Variants in GPHN observed in about 807,000 individuals in gnomAD.
GPHN encodes gephyrin.
Under a neutral mutation model 95.5 loss-of-function variants are expected in GPHN, and 17 were observed. The observed-to-expected ratio is 0.18, with a 90% confidence interval of 0.12 to 0.27. The LOEUF (loss-of-function observed/expected upper bound fraction) is 0.27, where lower values mean the gene tolerates loss of function less well. GPHN is among the 10% of genes least tolerant of loss of function. The probability of loss-of-function intolerance (pLI) is 1.00; values close to 1 mark genes in which losing one functional copy is unlikely to be tolerated. For synonymous variants in GPHN, 320 were observed against 322.5 expected (o/e 0.99, Z 0.08); for missense variants, 660 against 978.1 (o/e 0.67, Z 4.34).
chr14:66,766,196 T>G (rs1270874907), intron 2 of GPHN, among the ~76,000 whole-genome samples: 2 of 152,148 alleles, frequency 1.3e-5, no homozygotes, highest in Non-Finnish European at 2.9e-5. Flanking sequence ...AGCCAGCTCT[T>G]AAGATGCATA....
At chr14:66,953,581 T>A (rs914015329) in intron 8 of GPHN, among the ~76,000 whole-genome samples, 5 of 152,238 alleles carry the variant, frequency 3.3e-5, no homozygotes, top group Non-Finnish European at 7.3e-5. Flanking sequence ...TGAAAGAATG[T>A]CCTTTCCAGT....
chr14:66,841,521 T>C (rs1399528512), intron 4 of GPHN, among the ~76,000 whole-genome samples: 2 of 152,116 alleles, frequency 1.3e-5, no homozygotes, highest in Non-Finnish European at 2.9e-5. Context: ...ATTACTGATA[T>C]ATTTTGAAGG....
chr14:67,505,769 C>T, the GPHN span, among the ~76,000 whole-genome samples: 4 of 151,084 alleles, frequency 2.6e-5, no homozygotes, highest in African/African-American at 4.9e-5. Context: ...TGCAGTGGTG[C>T]GATCTCAGCT....
At chr14:67,288,762 C>T in the GPHN span, among the ~76,000 whole-genome samples, 1 of 151,978 alleles carries the variant, frequency 6.6e-6, no homozygotes, top group African/African-American at 2.4e-5. Flanking sequence ...CCTATCTATT[C>T]TTAATATTAG....
chr14:67,379,706 G>A, the GPHN span, among the ~76,000 whole-genome samples: 4 of 126,778 alleles, frequency 3.2e-5, no homozygotes, highest in Non-Finnish European at 4.6e-5. Context: ...CCAGGCTGGA[G>A]TGCAGTGGCG....
At chr14:67,723,217 A>T in the GPHN span, among the ~76,000 whole-genome samples, 62,667 of 152,056 alleles carry the variant, frequency 0.41, 14,353 homozygotes, top group East Asian at 0.68. Flanking sequence ...GTCAAATAAA[A>T]GTGTGTTCTG....
In GPHN at chr14:66,621,238, G is replaced by A. The variant is rs558972818; in HGVS notation, c.65-59869G>A. ...GATCCGCCTGCCTCGGCCTCCCAAA[G>A]TGCTGGGATTACAGGCATGAGCCAC... On this transcript the variant is annotated intron_variant, in intron 1 of 22. Coordinates refer to ENST00000478722, the MANE Select transcript of GPHN (RefSeq NM_020806.5). 3.5e-3 allele frequency among the ~76,000 whole-genome samples: 529 copies of A among 149,696 alleles called. 10 individuals carry two copies. The highest frequency in any genetic ancestry group is 0.012 in the African/African-American group (504 of 40,646).
At chr14:67,528,621 C>A in the GPHN span, among the ~76,000 whole-genome samples, 1 of 152,188 alleles carries the variant, frequency 6.6e-6, no homozygotes, top group Non-Finnish European at 1.5e-5. Flanking sequence ...CCCTGAGCTC[C>A]ACCAGCTCCC....
intron 4 of GPHN, among the ~76,000 whole-genome samples, chr14:66,838,124 C>T (rs930961419): frequency 6.6e-6 from 1 of 152,062 alleles, no homozygotes; most frequent in African/African-American, 2.4e-5. Flanking sequence ...CTTAGATCCA[C>T]CTGTTATTAG....
intron 4 of GPHN, among the ~76,000 whole-genome samples, chr14:66,837,612 TAAAA>T (rs1274002853): frequency 1.6e-5 from 2 of 126,878 alleles, no homozygotes; most frequent in Non-Finnish European, 1.5e-5. Flanking sequence ...AATAAATAAA[TAAAA>T]ATAAATAAAT....
At chr14:67,642,104 C>CTT in the GPHN span, 2 of 1,310,950 alleles carry the variant, frequency 1.5e-6, no homozygotes, top group South Asian at 2.6e-5. Flanking sequence ...TACTTTGTCA[C>CTT]GTATTATCAT....
Position 66,942,174 on chromosome 14 carries a change from G to T in GPHN, c.828+17882G>T, listed in dbSNP as rs148597870. On this transcript the variant is annotated intron_variant, in intron 8 of 22. Transcript: ENST00000478722. ...TTACAGGTGCCTGCCACCACACCCA[G>T]CTAATTTTTGTATTTTTAGTAGAGA... 1.6e-3 allele frequency among the ~76,000 whole-genome samples: 236 copies of T among 152,226 alleles called. 5 individuals are homozygous for T. Among genetic ancestry groups the T allele is most frequent in the Non-Finnish European group, 2.6e-3 (177 of 68,020 alleles).
chr14:66,924,099 T>G, intron 7 of GPHN, 95 bp from the exon 8 acceptor site: 1 of 743,884 alleles, frequency 1.3e-6, no homozygotes, highest in Non-Finnish European at 2.4e-6. Flanking sequence ...CATTTTTCCA[T>G]TTGTTTTTAC....
the GPHN span, among the ~76,000 whole-genome samples, chr14:67,216,619 A>G: frequency 2.0e-5 from 3 of 152,232 alleles, no homozygotes; most frequent in South Asian, 4.1e-4. Context: ...CATTTGTATC[A>G]GTAAATTTTT....
the GPHN span, among the ~76,000 whole-genome samples, chr14:67,233,298 C>T: frequency 6.6e-5 from 10 of 152,160 alleles, no homozygotes; most frequent in Middle Eastern, 3.4e-3. Context: ...TGTGCCACCA[C>T]GCCCGGCTAA....
intron 17 of GPHN, among the ~76,000 whole-genome samples, chr14:67,139,218 A>G (rs1416798800): frequency 4.0e-5 from 6 of 150,232 alleles, no homozygotes; most frequent in Admixed American, 1.3e-4. Flanking sequence ...GCAATACTCC[A>G]TCTCAAAAAA....
intron 1 of GPHN, among the ~76,000 whole-genome samples, chr14:66,571,621 G>A (rs2140367196): frequency 6.6e-6 from 1 of 152,134 alleles, no homozygotes; most frequent in Non-Finnish European, 1.5e-5. Context: ...GACCAGCCTG[G>A]CCAACATGGT....
At chr14:67,339,501 C>T in the GPHN span, among the ~76,000 whole-genome samples, 9 of 152,224 alleles carry the variant, frequency 5.9e-5, no homozygotes, top group African/African-American at 1.9e-4. Flanking sequence ...CTAAATACTC[C>T]TGCCCTCACC....
chr14:67,354,986 T>C, the GPHN span, among the ~76,000 whole-genome samples: 4 of 151,980 alleles, frequency 2.6e-5, no homozygotes, highest in East Asian at 1.9e-4. Flanking sequence ...GCTAATTTTT[T>C]ATTTTTAGTA....
Sources: allele counts gnomAD v4.1 joint callset (sites outside exome capture counted in the v4.1 genomes callset), GRCh38; gene constraint gnomAD v4.1.1; transcripts MANE v1.5; gene names NCBI Gene and HGNC (gene_info 2026-07-23, HGNC 2026-07-21).